Variants in LRP1B observed in about 807,000 individuals in gnomAD.
LRP1B encodes the protein low-density lipoprotein receptor-related protein 1B.
A neutral mutation model predicts 556.6 loss-of-function variants in LRP1B; 217 were observed. That is an observed-to-expected ratio of 0.39 (90% confidence interval 0.35 to 0.44). The LOEUF (loss-of-function observed/expected upper bound fraction) is 0.44. LRP1B is among the 20% of genes least tolerant of loss of function. LRP1B has a pLI of 1.00. For missense variants in LRP1B, 5,053 were observed against 5,620.8 expected, an observed-to-expected ratio of 0.90 and a Z score of 3.23; for synonymous variants, 2,047 against 1,865.8, an observed-to-expected ratio of 1.10 and a Z score of -2.50.
At chr2:140,379,245 T>C (rs552497431) in intron 67 of LRP1B, among the ~76,000 whole-genome samples, 1 of 152,254 alleles carries the variant, frequency 6.6e-6, no homozygotes, top group East Asian at 1.9e-4. Context: ...CTAACAGACA[T>C]TAAGGAATAT....
chr2:141,436,439 A>T (rs1680768499), intron 3 of LRP1B, among the ~76,000 whole-genome samples: 1 of 152,172 alleles, frequency 6.6e-6, no homozygotes, highest in Non-Finnish European at 1.5e-5. Context: ...AGAGATGTTG[A>T]TCAAAGGGTA....
At chr2:141,448,424 G>A (rs187274343) in intron 3 of LRP1B, among the ~76,000 whole-genome samples, 95 of 152,234 alleles carry the variant, frequency 6.2e-4, no homozygotes, top group African/African-American at 2.1e-3. Flanking sequence ...GGGAGTGAAC[G>A]ATTCTGTCTT....
chr2:141,957,923 T>C (rs1185690146), intron 1 of LRP1B, among the ~76,000 whole-genome samples: 2 of 152,038 alleles, frequency 1.3e-5, no homozygotes, highest in Admixed American at 6.6e-5. Context: ...AAAAGACTGA[T>C]TAGAGAAACC....
At chr2:142,103,157 C>T (rs1706624678) in intron 1 of LRP1B, among the ~76,000 whole-genome samples, 2 of 151,864 alleles carry the variant, frequency 1.3e-5, no homozygotes, top group Admixed American at 1.3e-4. Context: ...AAGGATTTTG[C>T]TAACAAGTTA....
At chr2:140,554,570 C>T (rs1001574398) in intron 43 of LRP1B, among the ~76,000 whole-genome samples, 1 of 152,002 alleles carries the variant, frequency 6.6e-6, no homozygotes, top group Non-Finnish European at 1.5e-5. Context: ...AAAATGGCTT[C>T]TTTTTCCTCT....
chr2:141,540,657 A>G (rs926908830), intron 2 of LRP1B, among the ~76,000 whole-genome samples: 1 of 152,056 alleles, frequency 6.6e-6, no homozygotes, highest in Non-Finnish European at 1.5e-5. Context: ...TCTAAACTGT[A>G]TAACAAATGA....
chr2:141,737,655 A>C (rs998870196), intron 2 of LRP1B, among the ~76,000 whole-genome samples: 1 of 152,114 alleles, frequency 6.6e-6, no homozygotes, highest in Non-Finnish European at 1.5e-5. Flanking sequence ...GGGATTACAC[A>C]ATTTTTTGGC....
intron 3 of LRP1B, among the ~76,000 whole-genome samples, chr2:141,449,418 A>C (rs1430954463): frequency 6.6e-6 from 1 of 152,208 alleles, no homozygotes; most frequent in Non-Finnish European, 1.5e-5. Flanking sequence ...ATGTTTGATT[A>C]ATCCTAAATG....
chr2:141,646,908 C>T (rs150156769), intron 2 of LRP1B, among the ~76,000 whole-genome samples: 7 of 152,136 alleles, frequency 4.6e-5, no homozygotes, highest in African/African-American at 7.2e-5. Context: ...GGAACAAGCT[C>T]CAGCTTTGCC....
intron 3 of LRP1B, among the ~76,000 whole-genome samples, chr2:141,315,958 AT>A (rs1293363464): frequency 2.3e-5 from 1 of 43,088 alleles, no homozygotes; most frequent in East Asian, 8.1e-4. Flanking sequence ...ATGGCTTTGT[AT>A]TTTTTTCTAT....
intron 77 of LRP1B, among the ~76,000 whole-genome samples, chr2:140,338,061 G>C (rs1383750372): frequency 6.8e-6 from 1 of 146,826 alleles, no homozygotes; most frequent in African/African-American, 2.5e-5. Context: ...ACATGGATTA[G>C]AAAAACGAAA....
chr2:141,313,865 TC>T (rs1478076838), intron 3 of LRP1B, among the ~76,000 whole-genome samples: 2 of 146,198 alleles, frequency 1.4e-5, no homozygotes, highest in Admixed American at 6.8e-5. Flanking sequence ...CAGATTTCAC[TC>T]TTTTTTTTTT....
At chr2:141,166,367 C>CTTTTTTTTTTTTTT (rs35200370) in intron 7 of LRP1B, among the ~76,000 whole-genome samples, 1 of 132,738 alleles carries the variant, frequency 7.5e-6, no homozygotes. Flanking sequence ...CTCTCTCATT[C>CTTTTTTTTTTTTTT]TTTTTTTTTT....
At chr2:141,640,879 C>T (rs1361938671) in intron 2 of LRP1B, among the ~76,000 whole-genome samples, 1 of 152,044 alleles carries the variant, frequency 6.6e-6, no homozygotes, top group Admixed American at 6.6e-5. Context: ...TTTCACATAA[C>T]TCCTTCTTTA....
At chr2:142,129,591 TCTC>T (rs1707777888) in intron 1 of LRP1B, among the ~76,000 whole-genome samples, 1 of 8,568 alleles carries the variant, frequency 1.2e-4, no homozygotes. Flanking sequence ...TCTTTCTCTC[TCTC>T]TCTCTCTCTC....
chr2:140,760,487 C>T (rs1030444849), intron 35 of LRP1B, among the ~76,000 whole-genome samples: 10 of 152,192 alleles, frequency 6.6e-5, no homozygotes, highest in Non-Finnish European at 1.5e-5. Flanking sequence ...ACTAGGGCTA[C>T]CTTGCTCCCT....
intron 7 of LRP1B, among the ~76,000 whole-genome samples, chr2:141,174,671 A>C (rs1680657464): frequency 6.6e-6 from 1 of 152,104 alleles, no homozygotes. Flanking sequence ...AGGCTTAGGT[A>C]GTTCCTCATA....
At chr2:142,010,398 CA>C (rs1179236424) in intron 1 of LRP1B, among the ~76,000 whole-genome samples, 12 of 151,332 alleles carry the variant, frequency 7.9e-5, no homozygotes, top group Admixed American at 7.9e-4. Context: ...ACTAAAAATA[CA>C]AAAAATTAGC....
At chr2:140,377,630 G>C (rs1683293133) in intron 68 of LRP1B, among the ~76,000 whole-genome samples, 1 of 152,180 alleles carries the variant, frequency 6.6e-6, no homozygotes, top group African/African-American at 2.4e-5. Flanking sequence ...CACAAACTAA[G>C]TTTATAGAAT....
Sources: gnomAD v4.1 joint callset for allele counts (sites outside exome capture counted in the v4.1 genomes callset) on GRCh38, gnomAD v4.1.1 for gene constraint, MANE v1.5 for transcripts, NCBI Gene and HGNC (gene_info 2026-07-23, HGNC 2026-07-21) for gene names.